CDH13: variants seen among roughly 807,000 people sequenced by gnomAD.
CDH13 encodes cadherin 13.
CDH13 carries 24 observed loss-of-function variants against 63.8 expected under a neutral mutation model. The observed-to-expected ratio is 0.38, with a 90% CI of 0.27 to 0.53. The LOEUF (loss-of-function observed/expected upper bound fraction) is 0.53. CDH13 is among the 20% of genes least tolerant of loss of function. The pLI is 0.85. For missense variants in CDH13, 1,049 were observed against 903.1 expected (o/e 1.16, Z -2.07); for synonymous variants, 503 against 355.3 (o/e 1.42, Z -4.67).
intron 4 of CDH13, among the ~76,000 whole-genome samples, chr16:83,180,115 G>A (rs1166109229): frequency 6.6e-6 from 1 of 151,832 alleles, no homozygotes; most frequent in Non-Finnish European, 1.5e-5. Flanking sequence ...AATTTCATTG[G>A]TTTAATTGTC....
At chr16:83,001,308 T>G (rs1912904413) in intron 2 of CDH13, among the ~76,000 whole-genome samples, 1 of 152,254 alleles carries the variant, frequency 6.6e-6, no homozygotes, top group African/African-American at 2.4e-5. Flanking sequence ...TGGAGCTGCT[T>G]AGCACAAGTA....
intron 1 of CDH13, among the ~76,000 whole-genome samples, chr16:82,718,849 A>C (rs2032569507): frequency 6.6e-6 from 1 of 152,192 alleles, no homozygotes. Context: ...GCTACAATTC[A>C]AGATGAAATT....
chr16:82,823,391 G>A (rs905031010), intron 1 of CDH13: 1 of 130,214 alleles, frequency 7.7e-6, no homozygotes, highest in African/African-American at 2.9e-5. Flanking sequence ...TGAAATAAAG[G>A]CTGAAGAGAT....
intron 7 of CDH13, among the ~76,000 whole-genome samples, chr16:83,568,560 T>A (rs1186475371): frequency 6.6e-6 from 1 of 152,190 alleles, no homozygotes; most frequent in East Asian, 1.9e-4. Context: ...AGATGATAGT[T>A]AACCCAACGG....
At chr16:83,083,568 C>T (rs1454495979) in intron 3 of CDH13, among the ~76,000 whole-genome samples, 11 of 152,146 alleles carry the variant, frequency 7.2e-5, no homozygotes, top group African/African-American at 9.7e-5. Flanking sequence ...TCAGCCCCAC[C>T]GAAATTCTGT....
chr16:83,652,572 AC>A (rs1448612864), intron 8 of CDH13, among the ~76,000 whole-genome samples: 1 of 151,168 alleles, frequency 6.6e-6, no homozygotes, highest in African/African-American at 2.5e-5. Context: ...CTCTCATTGT[AC>A]CCCCTCTTTA....
At chr16:83,502,683 A>G (rs2151589337) in intron 7 of CDH13, among the ~76,000 whole-genome samples, 1 of 152,320 alleles carries the variant, frequency 6.6e-6, no homozygotes, top group East Asian at 1.9e-4. Flanking sequence ...GAAAGAGATG[A>G]CAGGTGAAGT....
At chr16:83,195,160 TAA>T (rs1463102662) in intron 4 of CDH13, among the ~76,000 whole-genome samples, 1 of 152,182 alleles carries the variant, frequency 6.6e-6, no homozygotes, top group East Asian at 1.9e-4. Context: ...TGTTTATAAT[TAA>T]AACAGTTGAG....
chr16:82,639,632 C>T (rs1263833745), intron 1 of CDH13, among the ~76,000 whole-genome samples: 1 of 152,166 alleles, frequency 6.6e-6, no homozygotes, highest in Admixed American at 6.5e-5. Flanking sequence ...ATAGAGACAC[C>T]TGGATCTATA....
chr16:83,297,229 TTGAA>T (rs1188082773), intron 5 of CDH13, among the ~76,000 whole-genome samples: 1 of 152,068 alleles, frequency 6.6e-6, no homozygotes, highest in Admixed American at 6.5e-5. Context: ...AGGGAGGATT[TTGAA>T]TGCTCTCAAC....
chr16:83,535,952 GAAGAAAAGAAAAGAA>G (rs72331325), intron 7 of CDH13, among the ~76,000 whole-genome samples: 2 of 149,416 alleles, frequency 1.3e-5, no homozygotes, highest in African/African-American at 5.0e-5. Context: ...AGGAAGGAAG[GAAGAAAAGAAAAGAA>G]AAGAAAAGAA....
intron 5 of CDH13, 66 bp from the exon 6 acceptor site, chr16:83,344,796 A>C: frequency 6.4e-7 from 1 of 1,566,498 alleles, no homozygotes; most frequent in East Asian, 2.2e-5. Context: ...TTCTCTAGAG[A>C]ACCTTATTTG....
At chr16:83,418,603 C>T (rs944169370) in intron 6 of CDH13, among the ~76,000 whole-genome samples, 1 of 152,120 alleles carries the variant, frequency 6.6e-6, no homozygotes. Flanking sequence ...CTGTACAAAC[C>T]AGGATTCTGT....
chr16:82,948,258 C>G (rs1400043223), intron 2 of CDH13, among the ~76,000 whole-genome samples: 4 of 152,110 alleles, frequency 2.6e-5, no homozygotes, highest in Non-Finnish European at 5.9e-5. Context: ...AAGGTTGACT[C>G]TAGGACCAAG....
At chr16:83,231,642 T>C (rs1262472840) in intron 5 of CDH13, among the ~76,000 whole-genome samples, 1 of 152,164 alleles carries the variant, frequency 6.6e-6, no homozygotes, top group Non-Finnish European at 1.5e-5. Context: ...GCATATTGTC[T>C]GTGGCCTCTT....
chr16:83,171,164 C>T (rs1165577181), intron 4 of CDH13, among the ~76,000 whole-genome samples: 1 of 152,074 alleles, frequency 6.6e-6, no homozygotes, highest in Non-Finnish European at 1.5e-5. Context: ...AACTTATAGT[C>T]ATGGTGGAAG....
chr16:82,804,231 A>T (rs951087147), intron 1 of CDH13, among the ~76,000 whole-genome samples: 6 of 118,134 alleles, frequency 5.1e-5, no homozygotes, highest in Non-Finnish European at 1.0e-4. Context: ...CATCTCAAAA[A>T]AAAAAATGTG....
chr16:83,131,746 A>G (rs891827887), intron 4 of CDH13, among the ~76,000 whole-genome samples: 1 of 152,232 alleles, frequency 6.6e-6, no homozygotes, highest in African/African-American at 2.4e-5. Flanking sequence ...ATCAAAACCA[A>G]TGAAAGTACT....
intron 2 of CDH13, among the ~76,000 whole-genome samples, chr16:82,885,502 CCCAT>C (rs2040857494): frequency 6.8e-6 from 1 of 146,228 alleles, no homozygotes; most frequent in Non-Finnish European, 1.5e-5. Flanking sequence ...CATCCATCCA[CCCAT>C]CCATCTATCC....
Sources: allele counts gnomAD v4.1 joint callset (sites outside exome capture counted in the v4.1 genomes callset), GRCh38; gene constraint gnomAD v4.1.1; transcripts MANE v1.5; gene names NCBI Gene and HGNC (gene_info 2026-07-23, HGNC 2026-07-21).